The following PPAT variants were observed in gnomAD, a reference collection of about 807,000 sequenced individuals.
PPAT encodes amidophosphoribosyltransferase.
In PPAT, 20 loss-of-function variants were observed where a neutral mutation model predicts 60.2. The ratio of observed to expected loss-of-function variants is 0.33; its 90% confidence interval spans 0.23 to 0.48. The LOEUF (loss-of-function observed/expected upper bound fraction) is 0.48, where lower values mean the gene tolerates loss of function less well. PPAT is among the 20% of genes least tolerant of loss of function. The pLI is 0.99. For synonymous variants in PPAT, 194 were observed against 215.1 expected (o/e 0.90, Z 0.86); for missense variants, 349 against 629.6 (o/e 0.55, Z 4.77).
chr4:56,402,848 A>AAAAGG (rs1560638308), intron 5 of PPAT, among the ~76,000 whole-genome samples, 192 bp downstream of exon 5: 1 of 76,100 alleles, frequency 1.3e-5, no homozygotes, highest in African/African-American at 5.7e-5. Context: ...AAAAAAAAAA[A>AAAAGG]GGGGGGGGAC....
chr4:56,427,761 C>T (rs769010462), intron 1 of PPAT, among the ~76,000 whole-genome samples: 2 of 152,082 alleles, frequency 1.3e-5, no homozygotes, highest in Non-Finnish European at 2.9e-5. Context: ...TTCCCCCTGT[C>T]ACCCCCTGCT....
rs780581720 is a variant in PPAT, at chr4:56,399,211, T to G, written c.1204A>C (p.Ile402Leu). Residue 402 changes from isoleucine to leucine, a missense_variant, in exon 9 of 11, where the codon ATA (isoleucine) becomes CTA (leucine). Physicochemically the swap from Ile to Leu is conservative, Grantham distance 5 (BLOSUM62 2). Transcript: ENST00000264220. ...IVRGNTISPI[I>L]KLLKESGAKE... is the part of the protein sequence containing the mutation. ...GCACCAGATTCTTTGAGCAGTTTTA[T>G]TATAGGTGAGATGGTATTGCCTCTG... is the stretch of plus-strand genomic sequence containing the variant. 6.2e-7 allele frequency: 1 copy of G among 1,613,464 alleles called. No homozygotes were observed. Among genetic ancestry groups the G allele is most frequent in the Non-Finnish European group, 8.5e-7 (1 of 1,179,422 alleles).
rs776938734 is a variant in PPAT at position 56,435,312 on chromosome 4, G to A, written c.128+38C>T. On this transcript the variant is annotated intron_variant, in intron 1 of 10. Coordinates refer to ENST00000264220, the MANE Select transcript of PPAT (RefSeq NM_002703.5). ...CTGCGGGAAGCGGCTCCGAGAGATG[G>A]AGACGCACGCCCCCGCCACCCCCAC... The A allele has an allele frequency of 1.3e-5, 21 of 1,610,968 alleles. No individual in the cohort carries two copies. The South Asian group carries it at 2.2e-4, about 17-fold the overall frequency.
chr4:56,427,999 C>G (rs915528824), intron 1 of PPAT, among the ~76,000 whole-genome samples: 2 of 152,132 alleles, frequency 1.3e-5, no homozygotes, highest in Non-Finnish European at 2.9e-5. Context: ...TTTCCATATT[C>G]ACAAATATCC....
chr4:56,421,936 T>C (rs1006547292), intron 1 of PPAT: 3 of 152,166 alleles, frequency 2.0e-5, no homozygotes, highest in Non-Finnish European at 4.4e-5. Context: ...TATTTAATAT[T>C]AGGGTCCCTT....
chr4:56,405,068 T>C (rs1347369535), intron 3 of PPAT, among the ~76,000 whole-genome samples: 1 of 147,182 alleles, frequency 6.8e-6, no homozygotes, highest in Non-Finnish European at 1.5e-5. Context: ...AGGAAGCTAC[T>C]AGGAATGAAT....
intron 1 of PPAT, among the ~76,000 whole-genome samples, chr4:56,427,716 G>C (rs190149101): frequency 2.8e-4 from 42 of 151,998 alleles, no homozygotes; most frequent in Middle Eastern, 3.5e-3. Flanking sequence ...TAAGATGAGA[G>C]GAACTCACTG....
intron 6 of PPAT, 52 bp downstream of exon 6, chr4:56,402,057 A>G: frequency 1.4e-6 from 2 of 1,401,074 alleles, no homozygotes; most frequent in Non-Finnish European, 2.0e-6. Context: ...TGTCTAAAAA[A>G]AATTCTTTTC....
In PPAT at chr4:56,396,619, C is replaced by G. The variant is rs1715973573; in HGVS notation, c.1357G>C (p.Gly453Arg). The change falls in exon 10 of 11, where the codon GGA (glycine) becomes CGA (arginine). Residue 453 changes from glycine to arginine, a missense_variant and splice_region_variant. By Grantham distance (125) the Gly-to-Arg change is moderately radical. Coordinates refer to ENST00000264220, the MANE Select transcript of PPAT (RefSeq NM_002703.5). The surrounding 1 kb of genome is among the most constrained non-coding windows in gnomAD (Gnocchi z 4.6). ...AGTTTATAGAAATTTTAATACTTAC[C>G]TAGATATTCTGCAAGGTGATCAAAT... Reference protein sequence around the residue: ...PEFDHLAEYLGANSVVYLSVE... With the variant: ...PEFDHLAEYLRANSVVYLSVE... 5 of 1,601,458 alleles carry G rather than the reference C, an allele frequency of 3.1e-6. No individual in the cohort carries two copies. In the African/African-American group the frequency reaches 5.4e-5, roughly 17 times the overall value.
At chr4:56,401,023 T>C (rs1046151084) in intron 7 of PPAT, 112 bp from the exon 8 acceptor site, 26 of 1,126,970 alleles carry the variant, frequency 2.3e-5, no homozygotes, top group Non-Finnish European at 3.1e-5. Flanking sequence ...AGAAATGCAA[T>C]ATATACAAAA....
At chr4:56,403,453 C>T (rs1716169107) in intron 3 of PPAT, 52 bp from the exon 4 acceptor site, 1 of 1,370,022 alleles carries the variant, frequency 7.3e-7, no homozygotes, top group Non-Finnish European at 1.0e-6. Context: ...CTCCACCCCA[C>T]CCCAAACCCA....
At chr4:56,434,427 T>A (rs891317544) in intron 1 of PPAT, among the ~76,000 whole-genome samples, 2 of 152,256 alleles carry the variant, frequency 1.3e-5, no homozygotes, top group Admixed American at 1.3e-4. Context: ...ATACTTTCAG[T>A]AAGAATATCA....
chr4:56,402,850 G>GAAAAAAAAAAAAAAA (rs1177644230), intron 5 of PPAT, among the ~76,000 whole-genome samples, 190 bp downstream of exon 5: 1 of 41,146 alleles, frequency 2.4e-5, no homozygotes, highest in African/African-American at 9.8e-5. Flanking sequence ...AAAAAAAAAG[G>GAAAAAAAAAAAAAAA]GGGGGGACTC....
rs957290974 is a variant in PPAT, at chr4:56,394,246, A to G, written c.*1106T>C. The G allele has an allele frequency of 6.6e-6, 1 of 152,182 alleles. No homozygotes were observed. The highest frequency in any genetic ancestry group is 1.5e-5 in the Non-Finnish European group (1 of 68,040). The allele number at this position is 152,182 out of a possible 1,614,324, so 9.4% of individuals were successfully genotyped here. On this transcript the variant is annotated 3_prime_UTR_variant, in exon 11 of 11. Transcript: ENST00000264220. ...ATTATAAGATGATACTTGGACTTGGATTGTAAGTTGATACTAATTCCCCAA... is the reference window on the plus strand; with the variant it reads ...ATTATAAGATGATACTTGGACTTGGGTTGTAAGTTGATACTAATTCCCCAA...
At chr4:56,416,367 C>A in intron 1 of PPAT, 1 of 856,166 alleles carries the variant, frequency 1.2e-6, no homozygotes, top group Non-Finnish European at 1.4e-6. Context: ...ATGTCAATTG[C>A]ATCAGTAGAT....
chr4:56,434,117 T>C (rs553437516), intron 1 of PPAT, among the ~76,000 whole-genome samples: 3 of 152,334 alleles, frequency 2.0e-5, no homozygotes, highest in Non-Finnish European at 4.4e-5. Context: ...AGAAATCTAT[T>C]ATGGTCAACC....
chr4:56,423,680 GT>G (rs1480332420), intron 1 of PPAT, among the ~76,000 whole-genome samples: 1 of 151,266 alleles, frequency 6.6e-6, no homozygotes, highest in Non-Finnish European at 1.5e-5. Context: ...TGTTTGGCAT[GT>G]TTGCATGCCA....
Position 56,394,793 on chromosome 4 carries a change from TCA to T in PPAT, c.*557_*558del, listed in dbSNP as rs1715920457. 6.7e-6 allele frequency: 1 copy of T among 150,096 alleles called. No homozygotes were observed. Among genetic ancestry groups the T allele is most frequent in the African/African-American group, 2.5e-5 (1 of 40,584 alleles). 9.3% of individuals were successfully genotyped at this position (150,096 alleles called of 1,614,324 possible). On this transcript the variant is annotated 3_prime_UTR_variant, in exon 11 of 11. Coordinates refer to ENST00000264220, the MANE Select transcript of PPAT (RefSeq NM_002703.5). ...CAAATCACAAAAGTATGACACTTAT[TCA>T]CATTCTTATTAATTATTTAATAAGT... is the stretch of plus-strand genomic sequence containing the variant.
At chr4:56,429,293 A>G (rs1269342924) in intron 1 of PPAT, among the ~76,000 whole-genome samples, 1 of 152,240 alleles carries the variant, frequency 6.6e-6, no homozygotes, top group Non-Finnish European at 1.5e-5. Context: ...CTGTTTGGTT[A>G]TCATGGTCCT....
Sources: gnomAD v4.1 joint callset for allele counts (sites outside exome capture counted in the v4.1 genomes callset) on GRCh38, gnomAD v4.1.1 for gene constraint, Gnocchi (gnomAD v3.1) non-coding constraint, MANE v1.5 for transcripts, NCBI Gene and HGNC (gene_info 2026-07-23, HGNC 2026-07-21) for gene names.